Variants in PHLDB2 observed in about 807,000 individuals in gnomAD.
PHLDB2 encodes pleckstrin homology like domain family B member 2, also known as pleckstrin homology-like domain family B member 2.
A neutral mutation model predicts 123.6 loss-of-function variants in PHLDB2; 71 were observed. The ratio of observed to expected loss-of-function variants is 0.57; its 90% confidence interval spans 0.47 to 0.70. The LOEUF (loss-of-function observed/expected upper bound fraction) is 0.70, where lower values mean the gene tolerates loss of function less well. PHLDB2 is among the 30% of genes least tolerant of loss of function. The pLI is 0.00. For missense variants in PHLDB2, 1,446 were observed against 1,519.5 expected (o/e 0.95, Z 0.80); for synonymous variants, 547 against 541.6 (o/e 1.01, Z -0.14).
chr3:111,961,286 G>T (rs1412148015), intron 12 of PHLDB2, among the ~76,000 whole-genome samples: 3 of 152,138 alleles, frequency 2.0e-5, no homozygotes, highest in African/African-American at 7.2e-5. Context: ...AGCTGAGATT[G>T]TGCCACTGCA....
chr3:111,791,764 C>A (rs2060939030), intron 1 of PHLDB2, among the ~76,000 whole-genome samples: 1 of 152,046 alleles, frequency 6.6e-6, no homozygotes, highest in African/African-American at 2.4e-5. Flanking sequence ...GTGTAATGAT[C>A]AAATCAGGGT....
intron 5 of PHLDB2, among the ~76,000 whole-genome samples, chr3:111,929,408 T>C (rs2068988216): frequency 6.6e-6 from 1 of 152,182 alleles, no homozygotes; most frequent in South Asian, 2.1e-4. Context: ...AATTTAAATA[T>C]GGTGGAAGAG....
At chr3:111,906,226 A>C (rs2067524979) in intron 2 of PHLDB2, among the ~76,000 whole-genome samples, 1 of 152,270 alleles carries the variant, frequency 6.6e-6, no homozygotes, top group Non-Finnish European at 1.5e-5. Context: ...TGTTTGCACA[A>C]AAATGAAATA....
intron 11 of PHLDB2, 110 bp downstream of exon 11, chr3:111,952,822 A>T: frequency 7.7e-7 from 1 of 1,290,846 alleles, no homozygotes; most frequent in Non-Finnish European, 1.1e-6. Flanking sequence ...AAATCATTAC[A>T]TTTACTTGTT....
Position 111,919,099 on chromosome 3 carries a change from A to T in PHLDB2, c.1747A>T (p.Arg583Ter), listed in dbSNP as rs200159078. The T allele has an allele frequency of 5.0e-6, 8 of 1,613,948 alleles. No homozygotes were observed. The highest frequency in any genetic ancestry group is 6.8e-6 in the Non-Finnish European group (8 of 1,179,886). The change falls in exon 4 of 18, where the codon AGA becomes TGA. Residue 583 changes from arginine (R) to a stop codon, truncating the protein, a stop_gained. Coordinates refer to ENST00000431670, the MANE Select transcript of PHLDB2 (RefSeq NM_001134438.2). LOFTEE classifies it high-confidence loss of function. The stretch of plus-strand genomic sequence containing the variant: ...CCCAGAGGGTATAAGTGAAGAACAG[A>T]GATCTCAGGAGTTGGCTGCAATGGA... ...KTPEGISEEQRSQELAAMEET... is the reference protein window; with the variant it reads ...KTPEGISEEQ
upstream of PHLDB2, among the ~76,000 whole-genome samples, chr3:111,855,629 C>CTTTTTTTTT (rs11368889): frequency 2.6e-4 from 21 of 79,836 alleles, no homozygotes; most frequent in Non-Finnish European, 3.4e-4. Flanking sequence ...CTGCATTTGT[C>CTTTTTTTTT]TTTTTTTTTT....
intron 5 of PHLDB2, among the ~76,000 whole-genome samples, chr3:111,927,912 A>G (rs1342056475): frequency 6.6e-6 from 1 of 152,232 alleles, no homozygotes; most frequent in African/African-American, 2.4e-5. Context: ...CAGTAATACA[A>G]CTTAGAAGAG....
intron 1 of PHLDB2, among the ~76,000 whole-genome samples, chr3:111,748,443 T>G (rs1157842912): frequency 6.6e-6 from 1 of 152,104 alleles, no homozygotes; most frequent in Non-Finnish European, 1.5e-5. Context: ...GGCAAAATAG[T>G]CAAAAGTCCA....
intron 2 of PHLDB2, among the ~76,000 whole-genome samples, chr3:111,902,644 T>A (rs1377238406): frequency 6.6e-6 from 1 of 152,186 alleles, no homozygotes; most frequent in Non-Finnish European, 1.5e-5. Flanking sequence ...TTATTCAGTT[T>A]TTTTTTTCTT....
intron 1 of PHLDB2, chr3:111,859,792 G>A (rs2064715488): frequency 3.0e-6 from 3 of 985,454 alleles, no homozygotes; most frequent in Non-Finnish European, 2.4e-6. Context: ...CGGGCTCACG[G>A]AGGGAGACAG....
At chr3:111,752,339 G>A (rs1028191859) in intron 1 of PHLDB2, among the ~76,000 whole-genome samples, 1 of 151,452 alleles carries the variant, frequency 6.6e-6, no homozygotes, top group African/African-American at 2.4e-5. Context: ...TTTCTCATAG[G>A]CTCTCTACTT....
intron 12 of PHLDB2, among the ~76,000 whole-genome samples, chr3:111,961,064 G>A (rs1238019028): frequency 6.6e-6 from 1 of 152,216 alleles, no homozygotes; most frequent in Non-Finnish European, 1.5e-5. Flanking sequence ...CGGGCACGGT[G>A]GCTCACGCCT....
At chr3:111,909,103 C>T (rs1008915721) in intron 2 of PHLDB2, among the ~76,000 whole-genome samples, 1 of 152,172 alleles carries the variant, frequency 6.6e-6, no homozygotes, top group Non-Finnish European at 1.5e-5. Context: ...GCCTTTGCTT[C>T]TGTGGTGCTT....
intron 1 of PHLDB2, among the ~76,000 whole-genome samples, chr3:111,816,009 C>T (rs112282217): frequency 0.042 from 6,452 of 152,252 alleles, 461 homozygotes; most frequent in African/African-American, 0.15. Flanking sequence ...GTGTAAGCCC[C>T]AAGCCTTAGC....
Position 111,885,278 on chromosome 3 carries a change from G to T in PHLDB2, c.1201G>T (p.Ala401Ser), listed in dbSNP as rs1004209008. The T allele has an allele frequency of 6.2e-7, 1 of 1,614,062 alleles. No individual in the cohort carries two copies. The highest frequency in any genetic ancestry group is 1.3e-5 in the African/African-American group (1 of 74,924). ...DEADLESLRQASGTPQPALRE... is the reference protein window; with the variant it reads ...DEADLESLRQSSGTPQPALRE... ...GGCAGATTTGGAAAGCCTCAGACAG[G>T]CCTCAGGAACCCCCCAGCCTGCCCT... The change falls in exon 2 of 18, where the codon GCC becomes TCC. Residue 401 changes from alanine to serine, a missense_variant. Ala to Ser is a moderately conservative substitution (Grantham distance 99). Coordinates refer to ENST00000431670, the MANE Select transcript of PHLDB2 (RefSeq NM_001134438.2).
intron 2 of PHLDB2, among the ~76,000 whole-genome samples, chr3:111,849,923 G>C: frequency 6.6e-6 from 1 of 150,740 alleles, no homozygotes; most frequent in Non-Finnish European, 1.5e-5. Context: ...GTGCAGTGGC[G>C]CGATCTCGGC....
intron 2 of PHLDB2, among the ~76,000 whole-genome samples, chr3:111,898,427 C>T (rs540827444): frequency 7.9e-5 from 12 of 152,260 alleles, no homozygotes; most frequent in African/African-American, 2.6e-4. Flanking sequence ...AAGTGACCCG[C>T]CCACCTCAGC....
chr3:111,940,450 A>AT (rs1470819975), intron 7 of PHLDB2, 85 bp from the exon 8 acceptor site: 2 of 684,520 alleles, frequency 2.9e-6, no homozygotes, highest in Non-Finnish European at 2.4e-6. Context: ...AGTGGTGAAA[A>AT]TTTTTTTCTC....
At chr3:111,780,375 A>G (rs1459590797) in intron 1 of PHLDB2, among the ~76,000 whole-genome samples, 57 of 41,450 alleles carry the variant, frequency 1.4e-3, no homozygotes, top group East Asian at 4.3e-3. Context: ...AAGAAGAAGA[A>G]GAAGAAGAAG....
Sources: allele counts gnomAD v4.1 joint callset (sites outside exome capture counted in the v4.1 genomes callset), GRCh38; gene constraint gnomAD v4.1.1; transcripts MANE v1.5; gene names NCBI Gene and HGNC (gene_info 2026-07-23, HGNC 2026-07-21).